Variants in TTC6 observed in about 807,000 individuals in gnomAD.
The protein encoded by TTC6 is tetratricopeptide repeat domain 6.
A neutral mutation model predicts 210.4 loss-of-function variants in TTC6; 172 were observed. That is an observed-to-expected ratio of 0.82 (90% CI 0.72 to 0.93). The LOEUF (loss-of-function observed/expected upper bound fraction) is 0.93. Ranked by LOEUF, TTC6 falls within the 40% of genes least tolerant of loss-of-function variation. The pLI is 0.00. For missense variants in TTC6, 2,414 were observed against 2,318.1 expected, an observed-to-expected ratio of 1.04 and a Z score of -0.85; for synonymous variants, 804 against 819.6, an observed-to-expected ratio of 0.98 and a Z score of 0.32.
chr14:37,774,240 G>C (rs2096030014), intron 14 of TTC6, among the ~76,000 whole-genome samples: 1 of 151,946 alleles, frequency 6.6e-6, no homozygotes, highest in Non-Finnish European at 1.5e-5. Context: ...CATCCTATTT[G>C]GATTCCTACT....
intron 5 of TTC6, among the ~76,000 whole-genome samples, chr14:37,708,942 C>T (rs940020922): frequency 6.6e-6 from 1 of 151,954 alleles, no homozygotes; most frequent in African/African-American, 2.4e-5. Flanking sequence ...TCACTGGTTG[C>T]CCCCCACCCA....
intron 1 of TTC6, among the ~76,000 whole-genome samples, chr14:37,670,518 T>A (rs1040026705): frequency 6.7e-6 from 1 of 148,728 alleles, no homozygotes; most frequent in African/African-American, 2.5e-5. Flanking sequence ...TTGTCGAGGC[T>A]GGAGTGCAGT....
chr14:37,606,382 C>T (rs1458832439), intron 1 of TTC6, among the ~76,000 whole-genome samples: 1 of 152,160 alleles, frequency 6.6e-6, no homozygotes, highest in Non-Finnish European at 1.5e-5. Flanking sequence ...TGGTGCAGGA[C>T]TGAAGGGCAG....
intron 1 of TTC6, among the ~76,000 whole-genome samples, chr14:37,649,193 C>G (rs757467401): frequency 2.2e-4 from 33 of 152,258 alleles, no homozygotes; most frequent in Non-Finnish European, 4.1e-4. Context: ...TTTTGCTGTT[C>G]TCAGGCTAGT....
At chr14:37,681,661 C>A (rs2095783904) in intron 2 of TTC6, among the ~76,000 whole-genome samples, 2 of 152,078 alleles carry the variant, frequency 1.3e-5, no homozygotes, top group South Asian at 4.1e-4. Context: ...CAGACTGCAG[C>A]TTCTTTGACC....
At chr14:37,702,716 AG>A (rs1482670987) in intron 5 of TTC6, among the ~76,000 whole-genome samples, 1 of 152,332 alleles carries the variant, frequency 6.6e-6, no homozygotes, top group East Asian at 1.9e-4. Flanking sequence ...CAAGATTATT[AG>A]TACCCATACT....
chr14:37,596,171 C>G (rs181993388), intron 1 of TTC6, 163 bp downstream of exon 1: 15 of 152,498 alleles, frequency 9.8e-5, no homozygotes, highest in African/African-American at 3.6e-4. Context: ...GGGCCGTCCT[C>G]CCCCTGCCGG....
intron 29 of TTC6, among the ~76,000 whole-genome samples, chr14:37,828,668 T>C (rs1035854505): frequency 6.6e-6 from 1 of 151,968 alleles, no homozygotes; most frequent in African/African-American, 2.4e-5. Context: ...AGGACATTTA[T>C]ATTTTCTACA....
At chr14:37,792,147 T>TA in intron 16 of TTC6, 117 bp from the exon 19 acceptor site, 1 of 824,430 alleles carries the variant, frequency 1.2e-6, no homozygotes, top group Non-Finnish European at 1.7e-6. Flanking sequence ...TGTAAAACAT[T>TA]AAAAAATACT....
intron 5 of TTC6, among the ~76,000 whole-genome samples, chr14:37,711,436 C>T (rs975590515): frequency 4.6e-5 from 7 of 152,114 alleles, no homozygotes; most frequent in East Asian, 3.9e-4. Context: ...GTAAAGGTCT[C>T]GTGGAGGAAT....
intron 15 of TTC6, among the ~76,000 whole-genome samples, chr14:37,788,068 C>T (rs1251805919): frequency 6.6e-6 from 1 of 152,066 alleles, no homozygotes; most frequent in Non-Finnish European, 1.5e-5. Flanking sequence ...CTGTGTCCTG[C>T]TCCATAGGCT....
chr14:37,601,780 C>T (rs527381758), intron 1 of TTC6, among the ~76,000 whole-genome samples: 13 of 152,310 alleles, frequency 8.5e-5, no homozygotes, highest in African/African-American at 2.4e-4. Context: ...TGGGCAGAAT[C>T]AGCAGCTCGC....
At chr14:37,770,396 C>T (rs909403278) in intron 14 of TTC6, among the ~76,000 whole-genome samples, 7 of 151,896 alleles carry the variant, frequency 4.6e-5, no homozygotes, top group South Asian at 2.1e-4. Flanking sequence ...TAATGTTGAC[C>T]GTGGGGTGTT....
At chr14:37,797,073 T>A (rs1204491839) in intron 20 of TTC6, 126 bp downstream of exon 22, 2 of 929,860 alleles carry the variant, frequency 2.2e-6, no homozygotes, top group Non-Finnish European at 2.9e-6. Flanking sequence ...GAATTAACAT[T>A]TGGGTTATTT....
intron 22 of TTC6, 105 bp downstream of exon 24, chr14:37,806,615 T>C: frequency 9.0e-7 from 1 of 1,111,564 alleles, no homozygotes; most frequent in South Asian, 2.0e-5. Flanking sequence ...CAGTTTCTTA[T>C]ACCTACTTTT....
intron 15 of TTC6, among the ~76,000 whole-genome samples, chr14:37,787,950 C>G (rs1354885560): frequency 1.4e-5 from 2 of 147,866 alleles, no homozygotes; most frequent in Non-Finnish European, 3.0e-5. Context: ...GAGAATGTGA[C>G]AGCAAAGAAT....
At chr14:37,658,276 A>G (rs955694698) in intron 1 of TTC6, among the ~76,000 whole-genome samples, 5 of 152,244 alleles carry the variant, frequency 3.3e-5, no homozygotes, top group African/African-American at 9.6e-5. Context: ...GTGGTGAGCC[A>G]GATTTGGTCT....
At chr14:37,830,859 G>C (rs75526456) in intron 29 of TTC6, among the ~76,000 whole-genome samples, 4,355 of 151,838 alleles carry the variant, frequency 0.029, 223 homozygotes, top group African/African-American at 0.1. Context: ...TTTGATATGT[G>C]CATACAATGT....
At chr14:37,627,865 G>A (rs1396157910) in intron 1 of TTC6, among the ~76,000 whole-genome samples, 1 of 152,148 alleles carries the variant, frequency 6.6e-6, no homozygotes, top group Non-Finnish European at 1.5e-5. Flanking sequence ...TTGAGGAATT[G>A]CCACACTGTC....
Sources: allele counts gnomAD v4.1 joint callset (sites outside exome capture counted in the v4.1 genomes callset), GRCh38; gene constraint gnomAD v4.1.1; transcripts MANE v1.5; gene names NCBI Gene and HGNC (gene_info 2026-07-23, HGNC 2026-07-21).